Variants in POMT2 observed in about 807,000 individuals in gnomAD.
POMT2 encodes the protein protein O-mannosyltransferase 2, also known as protein O-mannosyl-transferase 2.
Under a neutral mutation model 100.0 loss-of-function variants are expected in POMT2, and 75 were observed. The observed-to-expected ratio is 0.75, with a 90% CI of 0.62 to 0.91. The LOEUF (loss-of-function observed/expected upper bound fraction) is 0.91, where lower values mean the gene tolerates loss of function less well. Ranked by LOEUF, POMT2 falls within the 40% of genes least tolerant of loss-of-function variation. POMT2 has a pLI of 0.00. For synonymous variants in POMT2, 378 were observed against 374.1 expected, an observed-to-expected ratio of 1.01 and a Z score of -0.12; for missense variants, 940 against 955.1, an observed-to-expected ratio of 0.98 and a Z score of 0.21.
chr14:77,288,353 C>T (rs1890512365), intron 11 of POMT2, among the ~76,000 whole-genome samples: 1 of 152,324 alleles, frequency 6.6e-6, no homozygotes, highest in Admixed American at 6.5e-5. Flanking sequence ...ACTCCTACGT[C>T]TTTCTAAAGG....
Position 77,286,734 on chromosome 14 carries a change from G to T in POMT2, c.1332+10C>A, listed in dbSNP as rs1242166420. ...TTTACGTCCTACTCACATCCCCGTT[G>T]CTTACTTACTATGCCATAGCCGGTG... On this transcript the variant is annotated intron_variant, in intron 12 of 20. Transcript: ENST00000261534. The T allele has an allele frequency of 6.2e-7, 1 of 1,614,114 alleles. No homozygotes were observed. Among genetic ancestry groups the T allele is most frequent in the African/African-American group, 1.3e-5 (1 of 75,030 alleles).
intron 13 of POMT2, 156 bp from the exon 14 acceptor site, chr14:77,285,197 G>A (rs1302288606): frequency 2.6e-6 from 2 of 778,162 alleles, no homozygotes; most frequent in East Asian, 2.7e-5. Context: ...TCCTAGGATA[G>A]TCTAGCATAC....
chr14:77,318,735 A>ATTT (rs10643583), intron 1 of POMT2, among the ~76,000 whole-genome samples: 8,044 of 140,104 alleles, frequency 0.057, 347 homozygotes, highest in African/African-American at 0.11. Flanking sequence ...ATGGTAGTTA[A>ATTT]TTTTTTTTTT....
intron 1 of POMT2, among the ~76,000 whole-genome samples, chr14:77,315,844 T>C (rs1419904141): frequency 6.6e-6 from 1 of 152,120 alleles, no homozygotes; most frequent in Middle Eastern, 3.2e-3. Context: ...AAACCCTGTC[T>C]CTACTAAAAA....
In POMT2 at chr14:77,280,416, G is replaced by A. The variant is rs151051452; in HGVS notation, c.1701C>T (p.Pro567=). The change falls in exon 16 of 21, where the codon CCC becomes CCT. Residue 567 remains proline, a synonymous_variant. Coordinates refer to ENST00000261534, the MANE Select transcript of POMT2 (RefSeq NM_013382.7). ...CCTGATAGTTGATAGGCCAGTGCCAGGGTTTGGACGTGAACTCATTGTCCT... is the reference window on the plus strand; with the variant it reads ...CCTGATAGTTGATAGGCCAGTGCCAAGGTTTGGACGTGAACTCATTGTCCT... ...KPKDNEFTSK[P]WHWPINYQGL... is the part of the protein sequence containing the mutation. 1.2e-6 allele frequency: 2 copies of A among 1,614,146 alleles called. No homozygotes were observed. The highest frequency in any genetic ancestry group is 1.7e-6 in the Non-Finnish European group (2 of 1,180,048).
chr14:77,307,858 C>CTTTTTTTTT (rs57755259), intron 2 of POMT2, among the ~76,000 whole-genome samples: 10 of 101,228 alleles, frequency 9.9e-5, no homozygotes, highest in South Asian at 3.2e-4. Flanking sequence ...TTAATTTCTT[C>CTTTTTTTTT]TTTTTTTTTT....
rs183270238 is a variant in POMT2, at chr14:77,278,574, G to A, written c.2033-66C>T. The stretch of plus-strand genomic sequence containing the variant: ...GGTGACTTCTGGGCTACAGAAGAAG[G>A]AGGCACTCCAAGTCAAGGAGCAGAG... On this transcript the variant is annotated intron_variant, in intron 19 of 20. Transcript: ENST00000261534. 233 of 1,449,954 alleles carry A rather than the reference G, an allele frequency of 1.6e-4. 2 individuals carry two copies. In the African/African-American group the frequency reaches 2.5e-3, roughly 16 times the overall value. The allele number at this position is 1,449,954 out of a possible 1,614,324, so 89.8% of individuals were successfully genotyped here. A position where few individuals can be genotyped will look rare whatever the true frequency, so the allele number is the denominator to read the frequency against.
intron 1 of POMT2, among the ~76,000 whole-genome samples, chr14:77,316,702 T>C (rs1891644389): frequency 6.6e-6 from 1 of 152,004 alleles, no homozygotes; most frequent in East Asian, 1.9e-4. Flanking sequence ...TGCTGTTCAG[T>C]AGGGCCCTTG....
At chr14:77,279,999 C>T in intron 17 of POMT2, 22 bp downstream of exon 17, 1 of 1,614,084 alleles carries the variant, frequency 6.2e-7, no homozygotes, top group Non-Finnish European at 8.5e-7. Context: ...AGGGCCTGAG[C>T]CGGGAATGTT....
chr14:77,282,856 C>CTA (rs1201111697), intron 15 of POMT2, among the ~76,000 whole-genome samples: 3 of 152,228 alleles, frequency 2.0e-5, no homozygotes, highest in African/African-American at 7.2e-5. Flanking sequence ...AAGTGCTACA[C>CTA]CTCCCTGCAA....
intron 15 of POMT2, among the ~76,000 whole-genome samples, chr14:77,282,132 C>T (rs1226235090): frequency 2.6e-5 from 4 of 152,314 alleles, no homozygotes; most frequent in East Asian, 3.9e-4. Context: ...GAAACCAATT[C>T]CTTCAAATTG....
chr14:77,281,094 CAAAATAAA>C (rs1186110657), intron 15 of POMT2, among the ~76,000 whole-genome samples: 2 of 115,014 alleles, frequency 1.7e-5, no homozygotes, highest in African/African-American at 6.1e-5. Flanking sequence ...GACTCAGTCT[CAAAATAAA>C]TAAATAAATA....
rs774466835 is a variant in POMT2, at chr14:77,286,802, C to G, written c.1274G>C (p.Ser425Thr). 1.3e-5 allele frequency: 21 copies of G among 1,614,040 alleles called. No individual in the cohort carries two copies. The Admixed American group carries it at 3.3e-4, about 26-fold the overall frequency. ...EHKETSRNLH[S>T]HYHEAPMTRK... ...GGTCATGGGGGCCTCATGATAGTGA[C>G]TGTGCAAGTTCCGGGAAGTTCTAGA... The change falls in exon 12 of 21, where the codon AGT becomes ACT. Residue 425 changes from serine to threonine, a missense_variant. Ser to Thr is a moderately conservative substitution (Grantham distance 58). Coordinates refer to ENST00000261534, the MANE Select transcript of POMT2 (RefSeq NM_013382.7).
chr14:77,316,418 G>T (rs566531443), intron 1 of POMT2, among the ~76,000 whole-genome samples: 1 of 152,038 alleles, frequency 6.6e-6, no homozygotes, highest in Admixed American at 6.6e-5. Context: ...TAAAAAATCT[G>T]TTTTAATTAG....
chr14:77,320,707 C>T lies in POMT2; in HGVS notation c.-26G>A, dbSNP rs777547770. 9 of 1,589,910 alleles carry T rather than the reference C, an allele frequency of 5.7e-6. No homozygotes were observed. Among genetic ancestry groups the T allele is most frequent in the Non-Finnish European group, 7.6e-6 (9 of 1,176,668 alleles). On this transcript the variant is annotated 5_prime_UTR_variant, in exon 1 of 21. Transcript: ENST00000261534. ...CTTCCCCCTCCTCTGGGTCGCCCTC[C>T]GGCCCGGAGGCACACTTTGTCTGAC... is the stretch of plus-strand genomic sequence containing the variant.
intron 18 of POMT2, 106 bp downstream of exon 18, chr14:77,279,717 G>A (rs1252636558): frequency 9.2e-7 from 1 of 1,091,788 alleles, no homozygotes; most frequent in Admixed American, 2.0e-5. Flanking sequence ...AAGGTGTGGG[G>A]TGGTAAACGC....
rs1337866102 is a variant in POMT2, at chr14:77,301,161, T to A, written c.745A>T (p.Ile249Phe). 3 of 1,614,166 alleles carry A rather than the reference T, an allele frequency of 1.9e-6. No homozygotes were observed. The highest frequency in any genetic ancestry group is 1.7e-5 in the Admixed American group (1 of 60,032). Reference sequence around the variant, plus strand: ...GTGTTCAGCCCCACTTGAAGGATGATAAAGAGGCCAACAAACTTGACCCCT... The same window carrying A: ...GTGTTCAGCCCCACTTGAAGGATGAAAAAGAGGCCAACAAACTTGACCCCT... ...ALGVKFVGLFIILQVGLNTIA... is the reference protein window; with the variant it reads ...ALGVKFVGLFFILQVGLNTIA... Residue 249 changes from isoleucine (I) to phenylalanine (F), a missense_variant, in exon 6 of 21, where the codon ATC becomes TTC. Physicochemically the swap from Ile to Phe is conservative, Grantham distance 21. Transcript: ENST00000261534.
chr14:77,296,264 T>C lies in POMT2; in HGVS notation c.1016A>G (p.Tyr339Cys). 3.7e-6 allele frequency: 6 copies of C among 1,600,960 alleles called. No homozygotes were observed. Among genetic ancestry groups the C allele is most frequent in the Non-Finnish European group, 5.1e-6 (6 of 1,174,190 alleles). ...HNASIPEHLA[Y>C]GSVITVKNLR... ...GTTCTTCACAGTGATCACAGAGCCG[T>C]AGGCCAGGTCTGGGAGGAAGGGAGA... is the stretch of plus-strand genomic sequence containing the variant. Residue 339 changes from tyrosine (Y) to cysteine (C), a missense_variant, in exon 9 of 21, where the codon TAC becomes TGC. Physicochemically the swap from Tyr to Cys is radical, Grantham distance 194. Coordinates refer to ENST00000261534, the MANE Select transcript of POMT2 (RefSeq NM_013382.7).
intron 12 of POMT2, among the ~76,000 whole-genome samples, chr14:77,286,232 C>G (rs1162796933): frequency 1.3e-5 from 2 of 152,206 alleles, no homozygotes; most frequent in African/African-American, 4.8e-5. Flanking sequence ...TAGTTTTTGT[C>G]TTCAGTTACT....
Sources: gnomAD v4.1 joint callset for allele counts (sites outside exome capture counted in the v4.1 genomes callset) on GRCh38, gnomAD v4.1.1 for gene constraint, MANE v1.5 for transcripts, NCBI Gene and HGNC (gene_info 2026-07-23, HGNC 2026-07-21) for gene names.